SPIN1: variants seen among roughly 807,000 people sequenced by gnomAD.
SPIN1 encodes the protein spindlin 1, also known as spindlin-1.
In SPIN1, 3 loss-of-function variants were observed where a neutral mutation model predicts 26.0. That is an observed-to-expected ratio of 0.12 (90% CI 0.05 to 0.30). The LOEUF is 0.30. Ranked by LOEUF, SPIN1 falls within the 10% of genes least tolerant of loss-of-function variation. The pLI, the probability that SPIN1 is intolerant of heterozygous loss-of-function variation, is 1.00. For missense variants in SPIN1, 126 were observed against 333.4 expected, an observed-to-expected ratio of 0.38 and a Z score of 4.84; for synonymous variants, 101 against 116.5, an observed-to-expected ratio of 0.87 and a Z score of 0.86.
At chr9:88,435,076 T>C (rs1172080411) in intron 2 of SPIN1, among the ~76,000 whole-genome samples, 3 of 152,050 alleles carry the variant, frequency 2.0e-5, no homozygotes, top group Admixed American at 6.5e-5. Flanking sequence ...AGCTTATCTT[T>C]GTCAGTATGT....
intron 2 of SPIN1, among the ~76,000 whole-genome samples, chr9:88,432,488 T>A (rs2118050130): frequency 6.7e-6 from 1 of 149,304 alleles, no homozygotes; most frequent in Non-Finnish European, 1.5e-5. Flanking sequence ...CTGGCTCCTT[T>A]TTTTTTTTTT....
intron 4 of SPIN1, among the ~76,000 whole-genome samples, chr9:88,466,899 C>T (rs567734597): frequency 1.3e-5 from 2 of 151,884 alleles, no homozygotes; most frequent in African/African-American, 4.8e-5. Flanking sequence ...CCACACCTGG[C>T]TAATTTTTTG....
At chr9:88,432,324 A>C (rs1827896346) in intron 2 of SPIN1, among the ~76,000 whole-genome samples, 1 of 150,880 alleles carries the variant, frequency 6.6e-6, no homozygotes, top group Non-Finnish European at 1.5e-5. Flanking sequence ...CAAGTAGTGG[A>C]ATTACAGGCA....
Position 88,426,586 on chromosome 9 carries a change from A to T in SPIN1, c.47A>T (p.Asp16Val), listed in dbSNP as rs1827768243. Reference protein sequence around the residue: ...GKTPGQRSRADAGHAGVSANM... With the variant: ...GKTPGQRSRAVAGHAGVSANM... ...ACACCTGGCCAGCGGTCCAGAGCTG[A>T]TGCAGGTAGGCATTGCGGTTCTACA... Residue 16 changes from aspartate to valine, a missense_variant, in exon 2 of 6, where the codon GAT (aspartate) becomes GTT (valine). Coordinates refer to ENST00000375859, the MANE Select transcript of SPIN1 (RefSeq NM_006717.3). The T allele has an allele frequency of 2.5e-6, 4 of 1,613,494 alleles. No homozygotes were observed. The highest frequency in any genetic ancestry group is 2.5e-6 in the Non-Finnish European group (3 of 1,179,610).
intron 2 of SPIN1, among the ~76,000 whole-genome samples, chr9:88,446,692 G>A (rs1261959407): frequency 6.6e-6 from 1 of 152,148 alleles, no homozygotes; most frequent in Non-Finnish European, 1.5e-5. Flanking sequence ...ACAGGCGTGA[G>A]CCACTGCGCC....
At position 88,475,593 on chromosome 9, in the gene SPIN1, ACT is replaced by A. The variant is rs1260557311; in HGVS notation, c.*321_*322del. The A allele has an allele frequency of 1.4e-5, 3 of 217,322 alleles. No individual in the cohort carries two copies. Among genetic ancestry groups the A allele is most frequent in the Non-Finnish European group, 2.8e-5 (3 of 108,240 alleles). 13.5% of individuals were successfully genotyped at this position (217,322 alleles called of 1,614,324 possible). On this transcript the variant is annotated 3_prime_UTR_variant, in exon 6 of 6. Coordinates refer to ENST00000375859, the MANE Select transcript of SPIN1 (RefSeq NM_006717.3). ...CTTAACCATTTTCCCCCTCACCCTA[ACT>A]CTCTTATTCTGCCGCCACAATGCAA...
intron 2 of SPIN1, among the ~76,000 whole-genome samples, chr9:88,430,397 A>G (rs1827844948): frequency 6.6e-6 from 1 of 152,200 alleles, no homozygotes; most frequent in Non-Finnish European, 1.5e-5. Context: ...CTTGGAACTT[A>G]TACAGGTTCA....
intron 5 of SPIN1, among the ~76,000 whole-genome samples, chr9:88,473,196 C>A (rs982025562): frequency 2.6e-5 from 4 of 151,264 alleles, no homozygotes; most frequent in Non-Finnish European, 4.4e-5. Context: ...AGTTCGAGGT[C>A]AGCCTGGTCA....
intron 2 of SPIN1, among the ~76,000 whole-genome samples, chr9:88,445,522 TTATTA>T (rs1304513189): frequency 1.2e-4 from 8 of 69,136 alleles, no homozygotes; most frequent in African/African-American, 6.3e-4. Flanking sequence ...GAGACTTTTA[TTATTA>T]TTATTATTAT....
chr9:88,457,889 C>T, intron 3 of SPIN1: 1 of 984,830 alleles, frequency 1.0e-6, no homozygotes, highest in Non-Finnish European at 1.2e-6. Flanking sequence ...TAAAAAGTTA[C>T]TAAGATAGTA....
In SPIN1 at chr9:88,475,116, G is replaced by A; in HGVS notation, c.628G>A (p.Val210Met). ...AGCAGAAAGGGAACCAGGAGAAGTT[G>A]TGGACAGCCTGGTAGGCAAACAAGT... ...PPAEREPGEV[V>M]DSLVGKQVEY... The change falls in exon 6 of 6, where the codon GTG becomes ATG. Residue 210 changes from valine (V) to methionine (M), a missense_variant. Val to Met is a conservative substitution (Grantham distance 21). Around this residue, in one of 7 missense-constraint regions of SPIN1, gnomAD observed 29 missense variants for 72.0 expected, o/e 0.40. Coordinates refer to ENST00000375859, the MANE Select transcript of SPIN1 (RefSeq NM_006717.3). 6.4e-7 allele frequency: 1 copy of A among 1,563,352 alleles called. No individual in the cohort carries two copies. The highest frequency in any genetic ancestry group is 8.7e-7 in the Non-Finnish European group (1 of 1,152,548).
chr9:88,389,075 G>C (rs1004372818), intron 1 of SPIN1, among the ~76,000 whole-genome samples: 1 of 152,016 alleles, frequency 6.6e-6, no homozygotes, highest in Admixed American at 6.5e-5. Context: ...GCCTGCCCTG[G>C]GGCCACCCCT....
intron 1 of SPIN1, among the ~76,000 whole-genome samples, chr9:88,407,414 G>C (rs536324088): frequency 6.6e-6 from 1 of 151,980 alleles, no homozygotes; most frequent in South Asian, 2.1e-4. Context: ...AAAGTCCTGG[G>C]ATTACAGGTG....
chr9:88,423,541 C>A (rs1827710925), intron 1 of SPIN1, among the ~76,000 whole-genome samples: 1 of 150,796 alleles, frequency 6.6e-6, no homozygotes, highest in Admixed American at 6.6e-5. Context: ...CGAGTTCAAG[C>A]AGTTCTCCTG....
At chr9:88,418,202 C>A (rs189625663) in intron 1 of SPIN1, among the ~76,000 whole-genome samples, 3 of 152,288 alleles carry the variant, frequency 2.0e-5, no homozygotes, top group Admixed American at 6.5e-5. Context: ...ACCCTCTAAC[C>A]ACTGGTGGGG....
intron 3 of SPIN1, among the ~76,000 whole-genome samples, chr9:88,453,980 C>A (rs184461628): frequency 1.1e-4 from 17 of 152,276 alleles, no homozygotes; most frequent in Admixed American, 6.5e-4. Flanking sequence ...TACACAGATA[C>A]CGGTTTATCC....
chr9:88,413,823 C>A (rs945888800), intron 1 of SPIN1, among the ~76,000 whole-genome samples: 1 of 152,080 alleles, frequency 6.6e-6, no homozygotes, highest in Non-Finnish European at 1.5e-5. Flanking sequence ...TGTATGATTT[C>A]GATACAGTTC....
intron 2 of SPIN1, among the ~76,000 whole-genome samples, chr9:88,444,847 C>T (rs764866845): frequency 1.3e-5 from 2 of 151,802 alleles, no homozygotes; most frequent in African/African-American, 2.4e-5. Flanking sequence ...ACCACCAGCA[C>T]GCCCGGCTAA....
intron 1 of SPIN1, among the ~76,000 whole-genome samples, chr9:88,405,501 A>G (rs1307368231): frequency 6.8e-6 from 1 of 147,546 alleles, no homozygotes; most frequent in Non-Finnish European, 1.5e-5. Context: ...TGCTGGGATT[A>G]CAGTCGTGAG....
Sources: gnomAD v4.1 joint callset for allele counts (sites outside exome capture counted in the v4.1 genomes callset) on GRCh38, gnomAD v4.1.1 for gene constraint, gnomAD v4.1.1 regional missense constraint, MANE v1.5 for transcripts, NCBI Gene and HGNC (gene_info 2026-07-23, HGNC 2026-07-21) for gene names.